TMEM272: variants seen among roughly 807,000 people sequenced by gnomAD.
TMEM272 encodes transmembrane protein 272, also known as long intergenic non-protein coding RNA 282.
Under a neutral mutation model 3.7 loss-of-function variants are expected in TMEM272, and 8 were observed. The ratio of observed to expected loss-of-function variants is 2.17; its 90% CI spans 1.27 to 3.91. The LOEUF is 3.91. TMEM272 is among the 30% of genes most tolerant of loss of function. The probability of loss-of-function intolerance (pLI) is 0.00; values close to 1 mark genes in which losing one functional copy is unlikely to be tolerated. For synonymous variants in TMEM272, 63 were observed against 39.8 expected (o/e 1.58, Z -2.20); for missense variants, 166 against 91.5 (o/e 1.81, Z -3.32).
chr13:51,849,806 C>T (rs1421170698), upstream of TMEM272, among the ~76,000 whole-genome samples: 1 of 152,172 alleles, frequency 6.6e-6, no homozygotes, highest in Non-Finnish European at 1.5e-5. Context: ...GTCTAAGTTC[C>T]CAGGGGCAAG....
At chr13:51,864,948 G>A in the TMEM272 span, among the ~76,000 whole-genome samples, 3 of 152,186 alleles carry the variant, frequency 2.0e-5, no homozygotes, top group Non-Finnish European at 4.4e-5. Context: ...ACATTCACAC[G>A]TGAGCATGCC....
intron 3 of TMEM272, among the ~76,000 whole-genome samples, chr13:51,823,985 C>T (rs1425014039): frequency 6.6e-6 from 1 of 152,232 alleles, no homozygotes; most frequent in Non-Finnish European, 1.5e-5. Context: ...AGTCTCAACA[C>T]AGCCTTTTCA....
the TMEM272 span, among the ~76,000 whole-genome samples, chr13:51,921,909 T>C: frequency 0.09 from 13,742 of 152,162 alleles, 697 homozygotes; most frequent in African/African-American, 0.14. Flanking sequence ...ACCCACTGTG[T>C]GCGTGTGTGT....
Position 51,816,965 on chromosome 13 carries a change from A to AG in TMEM272, c.349dup (p.Leu117ProfsTer17). The AG allele has an allele frequency of 1.4e-6, 1 of 703,082 alleles. No individual in the cohort carries two copies. Among genetic ancestry groups the AG allele is most frequent in the Non-Finnish European group, 2.6e-6 (1 of 385,014 alleles). 43.6% of individuals were successfully genotyped at this position (703,082 alleles called of 1,614,324 possible). A position where few individuals can be genotyped will look rare whatever the true frequency, so the allele number is the denominator to read the frequency against. On this transcript the variant is annotated frameshift_variant, in exon 5 of 5. Transcript: ENST00000629372. LOFTEE classifies it low-confidence loss of function (END_TRUNC). The stretch of plus-strand genomic sequence containing the variant: ...CCAGTAGTTTCCCAGGATGAACCAG[A>AG]GGAAGAGGAAGAGGCTCAGCAGGAG...
At chr13:51,830,423 T>G (rs1314861300) in intron 2 of TMEM272, among the ~76,000 whole-genome samples, 1 of 152,190 alleles carries the variant, frequency 6.6e-6, no homozygotes, top group African/African-American at 2.4e-5. Context: ...CCGCTCCTCA[T>G]TACCTGCAGC....
intron 4 of TMEM272, among the ~76,000 whole-genome samples, chr13:51,818,804 T>G (rs1956055354): frequency 1.3e-5 from 2 of 152,186 alleles, no homozygotes; most frequent in South Asian, 4.1e-4. Context: ...AGTTTAATGC[T>G]TGGTATGTGT....
At chr13:51,872,083 C>T in the TMEM272 span, among the ~76,000 whole-genome samples, 1 of 152,172 alleles carries the variant, frequency 6.6e-6, no homozygotes, top group African/African-American at 2.4e-5. Flanking sequence ...GATCACGGGG[C>T]ACTTTTGGAA....
intron 1 of TMEM272, among the ~76,000 whole-genome samples, chr13:51,839,959 G>A (rs1176684006): frequency 6.6e-6 from 1 of 152,204 alleles, no homozygotes; most frequent in Non-Finnish European, 1.5e-5. Flanking sequence ...ATGGCAGGAA[G>A]CAGTGTGACC....
upstream of TMEM272, among the ~76,000 whole-genome samples, chr13:51,846,009 G>T (rs35382547): frequency 7.9e-3 from 1,202 of 152,210 alleles, 9 homozygotes; most frequent in Non-Finnish European, 0.012. Flanking sequence ...GGGAGGGACT[G>T]GGGGAGGGAC....
the TMEM272 span, among the ~76,000 whole-genome samples, chr13:51,895,154 C>T: frequency 5.3e-5 from 8 of 152,236 alleles, no homozygotes; most frequent in Non-Finnish European, 1.0e-4. Context: ...TGGCCCAGTT[C>T]CTAACAGGCC....
the TMEM272 span, among the ~76,000 whole-genome samples, chr13:51,894,731 A>G: frequency 6.6e-6 from 1 of 152,154 alleles, no homozygotes; most frequent in Admixed American, 6.5e-5. Context: ...GTGGAAGACA[A>G]TTTTTCCATG....
chr13:51,908,502 C>T, the TMEM272 span: 5 of 1,489,592 alleles, frequency 3.4e-6, no homozygotes, highest in Middle Eastern at 5.3e-4. Flanking sequence ...CATGAACGGG[C>T]CCCTCGTATC....
chr13:51,900,252 G>C, the TMEM272 span, among the ~76,000 whole-genome samples: 1 of 152,142 alleles, frequency 6.6e-6, no homozygotes, highest in African/African-American at 2.4e-5. Context: ...GATCTGATAA[G>C]GGACTGGAGT....
At chr13:51,874,300 C>T in the TMEM272 span, among the ~76,000 whole-genome samples, 2 of 152,304 alleles carry the variant, frequency 1.3e-5, no homozygotes, top group East Asian at 1.9e-4. Context: ...TAATATCCTT[C>T]GATAAATGCC....
At chr13:51,845,856 G>A (rs1039888040), upstream of TMEM272, among the ~76,000 whole-genome samples, 1 of 152,234 alleles carries the variant, frequency 6.6e-6, no homozygotes, top group Non-Finnish European at 1.5e-5. Context: ...CCAGGAATCT[G>A]CAGTTTAGAC....
the TMEM272 span, among the ~76,000 whole-genome samples, chr13:51,905,729 C>A: frequency 2.8e-3 from 422 of 152,340 alleles, 3 homozygotes; most frequent in Middle Eastern, 6.8e-3. Context: ...AAAAACTACA[C>A]CTTGGTTTCC....
the TMEM272 span, among the ~76,000 whole-genome samples, chr13:51,901,940 C>T: frequency 2.6e-5 from 4 of 152,196 alleles, no homozygotes; most frequent in African/African-American, 9.7e-5. Context: ...GCCTTTCTCA[C>T]TCTGTCATCC....
chr13:51,863,851 G>A, the TMEM272 span, among the ~76,000 whole-genome samples: 1 of 152,146 alleles, frequency 6.6e-6, no homozygotes, highest in African/African-American at 2.4e-5. Flanking sequence ...CCGGACCCTG[G>A]CAGCTTCCTC....
the TMEM272 span, among the ~76,000 whole-genome samples, chr13:51,877,997 T>C: frequency 6.6e-6 from 1 of 152,224 alleles, no homozygotes; most frequent in South Asian, 2.1e-4. Flanking sequence ...TAAATTGCGG[T>C]TCCGCGGGGC....
Sources: gnomAD v4.1 joint callset for allele counts (sites outside exome capture counted in the v4.1 genomes callset) on GRCh38, gnomAD v4.1.1 for gene constraint, MANE v1.5 for transcripts, NCBI Gene and HGNC (gene_info 2026-07-23, HGNC 2026-07-21) for gene names.